Variants in RIPOR2 observed in about 807,000 individuals in gnomAD.
RIPOR2 encodes rho family-interacting cell polarization regulator 2.
A neutral mutation model predicts 114.5 loss-of-function variants in RIPOR2; 39 were observed. That is an observed-to-expected ratio of 0.34 (90% confidence interval 0.26 to 0.44). RIPOR2 has a LOEUF of 0.44. Among genes scored for constraint, RIPOR2 ranks in the 20% least tolerant of loss-of-function variants. The pLI, the probability that RIPOR2 is intolerant of heterozygous loss-of-function variation, is 1.00. For missense variants in RIPOR2, 1,007 were observed against 1,255.1 expected, an observed-to-expected ratio of 0.80 and a Z score of 2.99; for synonymous variants, 445 against 484.4, an observed-to-expected ratio of 0.92 and a Z score of 1.07.
intron 19 of RIPOR2, among the ~76,000 whole-genome samples, chr6:24,824,055 G>A (rs1032817623): frequency 1.6e-4 from 24 of 152,214 alleles, no homozygotes; most frequent in Admixed American, 1.6e-3. Context: ...CCGCGCCTGG[G>A]CCCCTGTTGC....
chr6:25,002,266 T>C (rs1179229355), intron 1 of RIPOR2, among the ~76,000 whole-genome samples: 2 of 152,178 alleles, frequency 1.3e-5, no homozygotes, highest in African/African-American at 4.8e-5. Context: ...GTATTGGGTA[T>C]TTTCTTACCA....
chr6:24,873,554 T>A, intron 3 of RIPOR2, 90 bp downstream of exon 3: 1 of 1,178,658 alleles, frequency 8.5e-7, no homozygotes. Flanking sequence ...CCTACAGAAA[T>A]AGACATCTGA....
chr6:25,031,754 AT>A (rs1283739038), intron 1 of RIPOR2, among the ~76,000 whole-genome samples: 1 of 108,938 alleles, frequency 9.2e-6, no homozygotes, highest in Admixed American at 9.3e-5. Flanking sequence ...TATATATAAA[AT>A]ATCCATAGAA....
chr6:24,987,931 A>G (rs1398249957), intron 1 of RIPOR2, among the ~76,000 whole-genome samples: 1 of 152,176 alleles, frequency 6.6e-6, no homozygotes, highest in African/African-American at 2.4e-5. Flanking sequence ...CCTCATACTT[A>G]TCTAAGGGGC....
intron 6 of RIPOR2, 137 bp from the exon 7 acceptor site, chr6:24,865,587 T>A (rs1035122485): frequency 1.5e-6 from 1 of 688,214 alleles, no homozygotes; most frequent in African/African-American, 1.8e-5. Flanking sequence ...TCCTTTTAGA[T>A]AGGGACCAAT....
At chr6:25,041,866 T>C (rs1777471270) in exon 1 of RIPOR2, 1 of 702,724 alleles carries the variant, frequency 1.4e-6, no homozygotes, top group African/African-American at 1.7e-5. Context: ...AGCTGGCGCC[T>C]CCGGATCCTG....
intron 1 of RIPOR2, among the ~76,000 whole-genome samples, chr6:24,910,367 C>A (rs1163369152): frequency 1.3e-5 from 2 of 152,152 alleles, no homozygotes; most frequent in Non-Finnish European, 2.9e-5. Context: ...GACTGCCATC[C>A]CAGCCCTGAG....
rs141929536 is a variant in RIPOR2 at position 24,823,117 on chromosome 6, A to G, written c.2868+2109T>C. Among the ~76,000 whole-genome samples, 8 of 152,308 alleles carry G rather than the reference A, an allele frequency of 5.3e-5. No individual in the cohort carries two copies. In the East Asian group the frequency reaches 1.2e-3, roughly 22 times the overall value. ...ATAAAATAATGAACCAACACACACA[A>G]CTTTTATTTTGTCTCAATAGCTATG... On this transcript the variant is annotated intron_variant, in intron 19 of 21. Transcript: ENST00000643898.
At chr6:24,910,299 C>A (rs183672598) in intron 1 of RIPOR2, among the ~76,000 whole-genome samples, 1 of 152,310 alleles carries the variant, frequency 6.6e-6, no homozygotes, top group Admixed American at 6.5e-5. Flanking sequence ...CGGTGAGGAA[C>A]GAGCTGGTTC....
intron 18 of RIPOR2, among the ~76,000 whole-genome samples, chr6:24,826,493 G>GTT (rs1760197798): frequency 8.0e-6 from 1 of 124,722 alleles, no homozygotes; most frequent in Non-Finnish European, 1.7e-5. Context: ...GATTTATTTA[G>GTT]ATTTTTTTTT....
Position 24,806,161 on chromosome 6 carries a change from A to T in RIPOR2, c.*212T>A, listed in dbSNP as rs140266018. The T allele has an allele frequency of 7.3e-6, 4 of 546,604 alleles. No individual in the cohort carries two copies. In the Admixed American group the frequency reaches 1.5e-4, roughly 21 times the overall value. 33.9% of individuals were successfully genotyped at this position (546,604 alleles called of 1,614,324 possible). On this transcript the variant is annotated 3_prime_UTR_variant, in exon 22 of 22. Coordinates refer to ENST00000643898, the MANE Select transcript of RIPOR2 (RefSeq NM_001286445.3). ...GAGACAGGGCCTTGCTATGTTGCCCAGGTTGGTCTTGAACCTCCTGGGCTT... is the reference window on the plus strand; with the variant it reads ...GAGACAGGGCCTTGCTATGTTGCCCTGGTTGGTCTTGAACCTCCTGGGCTT...
intron 7 of RIPOR2, among the ~76,000 whole-genome samples, chr6:24,864,090 T>C (rs1764345847): frequency 6.6e-6 from 1 of 152,184 alleles, no homozygotes; most frequent in African/African-American, 2.4e-5. Context: ...TCACCTGAGA[T>C]CAGGAGTTCG....
chr6:24,854,314 C>T (rs554755026), intron 8 of RIPOR2, among the ~76,000 whole-genome samples: 20 of 152,174 alleles, frequency 1.3e-4, no homozygotes, highest in African/African-American at 3.1e-4. Flanking sequence ...AGGAAAGTAG[C>T]ATTTGAATAA....
chr6:24,951,945 T>A (rs1014875402), intron 1 of RIPOR2, among the ~76,000 whole-genome samples: 1 of 152,316 alleles, frequency 6.6e-6, no homozygotes, highest in Admixed American at 6.5e-5. Context: ...ACAGTAGTCG[T>A]AAATATGTAG....
chr6:24,831,749 G>C (rs1013388951), intron 16 of RIPOR2, among the ~76,000 whole-genome samples: 4 of 152,208 alleles, frequency 2.6e-5, no homozygotes, highest in African/African-American at 9.6e-5. Context: ...CCCATAGCCA[G>C]ATCACACAAA....
intron 1 of RIPOR2, chr6:25,024,447 C>A: frequency 1.1e-6 from 1 of 935,334 alleles, no homozygotes. Context: ...CAGGCCGCCA[C>A]CATAGGCCAG....
chr6:24,997,363 T>A (rs141149816), intron 1 of RIPOR2, among the ~76,000 whole-genome samples: 1 of 152,264 alleles, frequency 6.6e-6, no homozygotes, highest in African/African-American at 2.4e-5. Context: ...AAGGTAGTAT[T>A]TGGCCCAGAA....
At chr6:24,834,918 C>G (rs751756009) in intron 15 of RIPOR2, among the ~76,000 whole-genome samples, 1 of 152,166 alleles carries the variant, frequency 6.6e-6, no homozygotes. Flanking sequence ...GTCACTGCGC[C>G]TGGTCTGGAA....
intron 1 of RIPOR2, among the ~76,000 whole-genome samples, chr6:24,916,528 C>T (rs571750557): frequency 6.6e-6 from 1 of 152,306 alleles, no homozygotes; most frequent in South Asian, 2.1e-4. Flanking sequence ...TACACTATCC[C>T]TGCTGGTTTC....
Sources: allele counts gnomAD v4.1 joint callset (sites outside exome capture counted in the v4.1 genomes callset), GRCh38; gene constraint gnomAD v4.1.1; transcripts MANE v1.5; gene names NCBI Gene and HGNC (gene_info 2026-07-23, HGNC 2026-07-21).